The following NUP98 variants were observed in gnomAD, a reference collection of about 807,000 sequenced individuals.
NUP98 encodes nuclear pore complex protein Nup98-Nup96.
A neutral mutation model predicts 191.9 loss-of-function variants in NUP98; 26 were observed. That is an observed-to-expected ratio of 0.14 (90% CI 0.10 to 0.19). NUP98 has a LOEUF of 0.19. NUP98 is among the 10% of genes least tolerant of loss of function. The pLI, the probability that NUP98 is intolerant of heterozygous loss-of-function variation, is 1.00. For missense variants in NUP98, 1,941 were observed against 2,178.8 expected, an observed-to-expected ratio of 0.89 and a Z score of 2.17; for synonymous variants, 808 against 778.4, an observed-to-expected ratio of 1.04 and a Z score of -0.63.
intron 12 of NUP98, among the ~76,000 whole-genome samples, chr11:3,736,481 C>T (rs2080065149): frequency 6.6e-6 from 1 of 152,116 alleles, no homozygotes; most frequent in Non-Finnish European, 1.5e-5. Context: ...TACAGTGAAA[C>T]CCCACCTCTA....
chr11:3,716,702 T>C (rs1307798651), intron 18 of NUP98, among the ~76,000 whole-genome samples: 1 of 152,114 alleles, frequency 6.6e-6, no homozygotes, highest in African/African-American at 2.4e-5. Flanking sequence ...AGCAAGACCC[T>C]ATCTCAAAAA....
At chr11:3,785,797 T>C (rs896705822) in intron 1 of NUP98, among the ~76,000 whole-genome samples, 2 of 152,160 alleles carry the variant, frequency 1.3e-5, no homozygotes, top group African/African-American at 4.8e-5. Context: ...ATACAGATAT[T>C]TGCATTAACT....
chr11:3,779,253 A>G lies in NUP98; in HGVS notation c.81T>C (p.Thr27=). Residue 27 remains threonine (T), a synonymous_variant, in exon 3 of 33, where the codon ACT becomes ACC. Coordinates refer to ENST00000324932, the MANE Select transcript of NUP98 (RefSeq NM_016320.5). The stretch of plus-strand genomic sequence containing the variant: ...CCCCTCCACTAGTAGTGCCAAAGCC[A>G]GTATCTGAAAAAGCAAAATCCAGAG... ...FGTTSTFGQN[T]GFGTTSGGAF... 2 of 1,613,666 alleles carry G rather than the reference A, an allele frequency of 1.2e-6. No homozygotes were observed. The highest frequency in any genetic ancestry group is 2.2e-5 in the South Asian group (2 of 91,072).
chr11:3,730,177 G>A (rs150646812), intron 14 of NUP98, among the ~76,000 whole-genome samples: 2 of 152,070 alleles, frequency 1.3e-5, no homozygotes, highest in African/African-American at 4.8e-5. Context: ...GGAGGTTGCA[G>A]TGAGCCGAGA....
intron 10 of NUP98, among the ~76,000 whole-genome samples, chr11:3,753,718 C>G (rs2134446981): frequency 8.6e-6 from 1 of 115,800 alleles, no homozygotes; most frequent in South Asian, 2.9e-4. Context: ...CAAAACAAGC[C>G]TGGCCAAGAT....
chr11:3,796,624 T>C (rs1221208062), intron 1 of NUP98, among the ~76,000 whole-genome samples: 1 of 152,162 alleles, frequency 6.6e-6, no homozygotes, highest in African/African-American at 2.4e-5. Flanking sequence ...CGCACCGACC[T>C]CCTAAAGGGA....
At chr11:3,763,098 C>CA (rs1233944965) in intron 8 of NUP98, 59 bp from the exon 9 acceptor site, 1 of 1,499,632 alleles carries the variant, frequency 6.7e-7, no homozygotes, top group African/African-American at 1.4e-5. Context: ...TAACGAATCT[C>CA]AGAGTAATAA....
intron 12 of NUP98, 116 bp downstream of exon 12, chr11:3,744,393 A>G (rs1464388688): frequency 1.2e-5 from 12 of 1,024,642 alleles, no homozygotes; most frequent in Admixed American, 2.8e-5. Context: ...CAATTGTTTA[A>G]TGACATGCAT....
chr11:3,735,352 AT>A, intron 12 of NUP98, 28 bp from the exon 13 acceptor site: 2 of 795,594 alleles, frequency 2.5e-6, no homozygotes, highest in Admixed American at 4.7e-5. Flanking sequence ...AGAAAACAAA[AT>A]ATATATATAT....
chr11:3,793,286 C>T (rs1028852377), intron 1 of NUP98, among the ~76,000 whole-genome samples: 8 of 151,938 alleles, frequency 5.3e-5, no homozygotes, highest in African/African-American at 1.9e-4. Context: ...AAGACTGGTA[C>T]ATTTAGAGGT....
intron 29 of NUP98, among the ~76,000 whole-genome samples, chr11:3,685,524 C>G (rs771511342): frequency 1.1e-4 from 17 of 152,090 alleles, no homozygotes; most frequent in Non-Finnish European, 1.5e-4. Flanking sequence ...AGAAAAGAGC[C>G]CACTATGAGG....
At chr11:3,700,586 A>T in intron 24 of NUP98, 24 bp downstream of exon 24, 1 of 1,518,602 alleles carries the variant, frequency 6.6e-7, no homozygotes, top group South Asian at 1.1e-5. Flanking sequence ...GACATCAAAC[A>T]TTAGAAACAT....
At chr11:3,740,800 T>C (rs886168947) in intron 12 of NUP98, among the ~76,000 whole-genome samples, 1 of 150,916 alleles carries the variant, frequency 6.6e-6, no homozygotes, top group Non-Finnish European at 1.5e-5. Flanking sequence ...CAGTGAGCTT[T>C]TAAATATAAA....
At chr11:3,722,500 T>C (rs748205617) in intron 16 of NUP98, among the ~76,000 whole-genome samples, 2 of 151,836 alleles carry the variant, frequency 1.3e-5, no homozygotes, top group Non-Finnish European at 2.9e-5. Context: ...AAACTAAATA[T>C]AAATTTTGGA....
At chr11:3,731,278 A>G in intron 14 of NUP98, 113 bp downstream of exon 14, 1 of 747,344 alleles carries the variant, frequency 1.3e-6, no homozygotes. Context: ...ACAAAAACAA[A>G]AACAAAGTGG....
intron 1 of NUP98, among the ~76,000 whole-genome samples, chr11:3,794,649 C>T (rs756925087): frequency 1.3e-5 from 2 of 152,112 alleles, no homozygotes; most frequent in Non-Finnish European, 2.9e-5. Flanking sequence ...CAGGGCCTCA[C>T]GCAGTTTCCC....
intron 12 of NUP98, among the ~76,000 whole-genome samples, chr11:3,739,018 T>A (rs1359902448): frequency 6.6e-6 from 1 of 152,040 alleles, no homozygotes; most frequent in African/African-American, 2.4e-5. Context: ...CAACTAAGAT[T>A]CCGTGGTATA....
chr11:3,768,610 T>C lies in NUP98; in HGVS notation c.919A>G (p.Thr307Ala). The change falls in exon 8 of 33, where the codon ACC (threonine) becomes GCC (alanine). Residue 307 changes from threonine (T) to alanine (A), a missense_variant. Thr to Ala is a moderately conservative substitution (Grantham distance 58). Around this residue, in one of 6 missense-constraint regions of NUP98, gnomAD observed 181 missense variants for 228.0 expected, o/e 0.79. Coordinates refer to ENST00000324932, the MANE Select transcript of NUP98 (RefSeq NM_016320.5). ...NTGFSFGNTS[T>A]IGQPSTNTMG... is the part of the protein sequence containing the mutation. ...GTGTTGGTGCTTGGCTGTCCTATGG[T>C]GCTGGTATTACCAAAGGAAAAGCCA... 1.2e-6 allele frequency: 2 copies of C among 1,607,356 alleles called. No homozygotes were observed. Among genetic ancestry groups the C allele is most frequent in the Non-Finnish European group, 1.7e-6 (2 of 1,177,278 alleles).
Position 3,702,463 on chromosome 11 carries a change from G to A in NUP98, c.3512C>T (p.Pro1171Leu), listed in dbSNP as rs1425363026. 8.7e-6 allele frequency: 14 copies of A among 1,604,096 alleles called. No individual in the cohort carries two copies. The highest frequency in any genetic ancestry group is 1.7e-4 in the Middle Eastern group (1 of 6,030). The change falls in exon 23 of 33, where the codon CCC (proline) becomes CTC (leucine). Residue 1171 changes from proline (P) to leucine (L), a missense_variant and splice_region_variant. Physicochemically the swap from Pro to Leu is moderately conservative, Grantham distance 98. Transcript: ENST00000324932. Reference protein sequence around the residue: ...GFLPNPVAVKPLTESPFKVHL... With the variant: ...GFLPNPVAVKLLTESPFKVHL... ...AAAAGCATCAAGAAATGTGACTCAC[G>A]GTTTAACAGCTACTGGATTGGGCAG...
Sources: allele counts gnomAD v4.1 joint callset (sites outside exome capture counted in the v4.1 genomes callset), GRCh38; gene constraint gnomAD v4.1.1; regional missense constraint gnomAD v4.1.1; transcripts MANE v1.5; gene names NCBI Gene and HGNC (gene_info 2026-07-23, HGNC 2026-07-21).